KIF13A: variants seen among roughly 807,000 people sequenced by gnomAD.
KIF13A encodes kinesin-like protein KIF13A.
A neutral mutation model predicts 212.2 loss-of-function variants in KIF13A; 79 were observed. The observed-to-expected ratio is 0.37, with a 90% CI of 0.31 to 0.45. KIF13A has a LOEUF of 0.45. Among genes scored for constraint, KIF13A ranks in the 20% least tolerant of loss-of-function variants. The pLI is 1.00. For missense variants in KIF13A, 1,901 were observed against 2,209.0 expected, an observed-to-expected ratio of 0.86 and a Z score of 2.79; for synonymous variants, 789 against 808.6, an observed-to-expected ratio of 0.98 and a Z score of 0.41.
intron 17 of KIF13A, among the ~76,000 whole-genome samples, chr6:17,815,907 CTTTT>C (rs57780326): frequency 3.8e-5 from 5 of 130,538 alleles, no homozygotes; most frequent in Non-Finnish European, 4.8e-5. Flanking sequence ...TAGTCAGGTT[CTTTT>C]TTTTTTTTTT....
At chr6:17,975,572 A>AC (rs530802998) in intron 2 of KIF13A, among the ~76,000 whole-genome samples, 3 of 152,220 alleles carry the variant, frequency 2.0e-5, no homozygotes, top group Non-Finnish European at 2.9e-5. Context: ...AGTACAGAAC[A>AC]AAACGCGAAC....
chr6:17,904,635 G>T (rs928036650), intron 2 of KIF13A, among the ~76,000 whole-genome samples: 12 of 152,172 alleles, frequency 7.9e-5, no homozygotes, highest in Non-Finnish European at 1.2e-4. Flanking sequence ...TGCAACAACA[G>T]CAATAAAAAT....
At position 17,809,014 on chromosome 6, in the gene KIF13A, G is replaced by A. The variant is rs1763211061; in HGVS notation, c.2001-84C>T. ...TAAGTGAGCATCTTATTAGAAAATG[G>A]GAGAAAACTCCTCTCGGGCAGTATT... On this transcript the variant is annotated intron_variant, in intron 17 of 38. Transcript: ENST00000259711. The surrounding 1 kb of genome is among the most constrained non-coding windows in gnomAD (Gnocchi z 4.7). 8.0e-7 allele frequency: 1 copy of A among 1,247,820 alleles called. No individual in the cohort carries two copies. The highest frequency in any genetic ancestry group is 1.6e-5 in the South Asian group (1 of 62,624). The allele number at this position is 1,247,820 out of a possible 1,614,324, so 77.3% of individuals were successfully genotyped here.
Position 17,771,729 on chromosome 6 carries a change from AAAC to A in KIF13A, c.4476+176_4476+178del, listed in dbSNP as rs1332129659. On this transcript the variant is annotated intron_variant, in intron 37 of 38. Transcript: ENST00000259711. This position sits in a 1 kb window ranked among gnomAD's most constrained non-coding sequence, Gnocchi z 5.4. ...GAAATAAAACCACAGCAGCAACAAC[AAAC>A]AAGAGATTCTACCATGACTCTGCAT... 51 of 557,460 alleles carry A rather than the reference AAAC, an allele frequency of 9.1e-5. No homozygotes were observed. The highest frequency in any genetic ancestry group is 1.2e-4 in the Non-Finnish European group (38 of 312,778). The allele number at this position is 557,460 out of a possible 1,614,324, so 34.5% of individuals were successfully genotyped here.
At chr6:17,802,653 G>A (rs1762567833) in intron 20 of KIF13A, among the ~76,000 whole-genome samples, 1 of 151,804 alleles carries the variant, frequency 6.6e-6, no homozygotes. Flanking sequence ...AATTTCAGGG[G>A]GATTCATGGA....
rs1024666647 is a variant in KIF13A, at chr6:17,933,418, T to C, written c.147-35238A>G. On this transcript the variant is annotated intron_variant, in intron 2 of 38. Coordinates refer to ENST00000259711, the MANE Select transcript of KIF13A (RefSeq NM_022113.6). ...ACACCCAGCTCATTTTTTTTTTTTT[T>C]TTTTTTGTAGAGACAAGGTCTCACT... Among the ~76,000 whole-genome samples the C allele has an allele frequency of 5.4e-5, 8 of 149,046 alleles. 1 individual carries two copies. The East Asian group carries it at 1.6e-3, about 29-fold the overall frequency.
In KIF13A at chr6:17,826,416, A is replaced by G. The variant is rs1333556559; in HGVS notation, c.1533-292T>C. 6.6e-6 allele frequency among the ~76,000 whole-genome samples: 1 copy of G among 152,228 alleles called. No homozygotes were observed. The highest frequency in any genetic ancestry group is 1.5e-5 in the Non-Finnish European group (1 of 68,040). ...TCAAAATTTGAGCTGAACCTGATCAAGCTTCCACATTTAAATGCCAATTTA... is the reference window on the plus strand; with the variant it reads ...TCAAAATTTGAGCTGAACCTGATCAGGCTTCCACATTTAAATGCCAATTTA... On this transcript the variant is annotated intron_variant, in intron 14 of 38. Coordinates refer to ENST00000259711, the MANE Select transcript of KIF13A (RefSeq NM_022113.6). This position sits in a 1 kb window ranked among gnomAD's most constrained non-coding sequence, Gnocchi z 4.7.
At chr6:17,848,681 T>C (rs1302410902) in intron 9 of KIF13A, among the ~76,000 whole-genome samples, 1 of 150,582 alleles carries the variant, frequency 6.6e-6, no homozygotes, top group Non-Finnish European at 1.5e-5. Flanking sequence ...TTCTCACCCC[T>C]TGGCCTCCTG....
At chr6:17,780,089 T>C (rs1205448059) in intron 31 of KIF13A, among the ~76,000 whole-genome samples, 3 of 152,208 alleles carry the variant, frequency 2.0e-5, no homozygotes, top group Non-Finnish European at 4.4e-5. Flanking sequence ...TACAAGTTAC[T>C]ATGTTTTTGA....
At chr6:17,986,894 G>C (rs777438094) in intron 2 of KIF13A, among the ~76,000 whole-genome samples, 160 bp downstream of exon 2, 1 of 152,242 alleles carries the variant, frequency 6.6e-6, no homozygotes, top group Non-Finnish European at 1.5e-5. Flanking sequence ...GGCGAGGGAG[G>C]AGAGGAACTT....
At chr6:17,858,697 C>A (rs984771041) in intron 4 of KIF13A, among the ~76,000 whole-genome samples, 8 of 152,158 alleles carry the variant, frequency 5.3e-5, no homozygotes, top group African/African-American at 1.9e-4. Flanking sequence ...TCAGCCAGAC[C>A]TAAGTGCCAT....
chr6:17,818,712 A>C (rs985757634), intron 16 of KIF13A, among the ~76,000 whole-genome samples: 1 of 152,158 alleles, frequency 6.6e-6, no homozygotes, highest in African/African-American at 2.4e-5. Context: ...ACGGGGGCTC[A>C]AAAAGGCTAA....
At position 17,829,055 on chromosome 6, in the gene KIF13A, C is replaced by T. The variant is rs1363339839; in HGVS notation, c.1402-685G>A. Among the ~76,000 whole-genome samples, 1 of 151,746 alleles carries T rather than the reference C, an allele frequency of 6.6e-6. No homozygotes were observed. Among genetic ancestry groups the T allele is most frequent in the Non-Finnish European group, 1.5e-5 (1 of 68,018 alleles). ...CTCTGCCTCCTGGGTTCAAGCCATT[C>T]TCTTGCCTCAGCCTCCTGAGTAGTT... is the stretch of plus-strand genomic sequence containing the variant. On this transcript the variant is annotated intron_variant, in intron 13 of 38. Coordinates refer to ENST00000259711, the MANE Select transcript of KIF13A (RefSeq NM_022113.6). This position sits in a 1 kb window ranked among gnomAD's most constrained non-coding sequence, Gnocchi z 5.4.
chr6:17,794,854 A>AT lies in KIF13A; in HGVS notation c.2943-151_2943-150insA. On this transcript the variant is annotated intron_variant, in intron 23 of 38. Transcript: ENST00000259711. The surrounding 1 kb of genome is among the most constrained non-coding windows in gnomAD (Gnocchi z 4.1). ...GTTACTTCCTTATTTAACTCTCAAA[A>AT]CCAACCTGTCATATTGTTTCTTTTT... is the stretch of plus-strand genomic sequence containing the variant. 1.4e-6 allele frequency: 1 copy of AT among 704,678 alleles called. No individual in the cohort carries two copies. Among genetic ancestry groups the AT allele is most frequent in the Non-Finnish European group, 2.3e-6 (1 of 443,632 alleles). 43.7% of individuals were successfully genotyped at this position (704,678 alleles called of 1,614,324 possible). A position where few individuals can be genotyped will look rare whatever the true frequency, so the allele number is the denominator to read the frequency against.
At chr6:17,863,188 G>A (rs1768997492) in intron 4 of KIF13A, among the ~76,000 whole-genome samples, 1 of 152,016 alleles carries the variant, frequency 6.6e-6, no homozygotes, top group South Asian at 2.1e-4. Flanking sequence ...TCCCACAGAG[G>A]TCCCATTTAA....
In KIF13A at chr6:17,809,421, C is replaced by T. The variant is rs995503589; in HGVS notation, c.2001-491G>A. 6.6e-6 allele frequency among the ~76,000 whole-genome samples: 1 copy of T among 152,196 alleles called. No individual in the cohort carries two copies. Among genetic ancestry groups the T allele is most frequent in the Non-Finnish European group, 1.5e-5 (1 of 68,038 alleles). ...TTCTTCGTTTCAACTCTCTGTACAA[C>T]ATTACTTGCTGATAAAAAGCTTCTC... On this transcript the variant is annotated intron_variant, in intron 17 of 38. Coordinates refer to ENST00000259711, the MANE Select transcript of KIF13A (RefSeq NM_022113.6). This position sits in a 1 kb window ranked among gnomAD's most constrained non-coding sequence, Gnocchi z 4.7.
intron 6 of KIF13A, among the ~76,000 whole-genome samples, chr6:17,854,792 A>C (rs1418156702): frequency 6.6e-6 from 1 of 151,928 alleles, no homozygotes; most frequent in Admixed American, 6.6e-5. Context: ...ACCTCAGATG[A>C]TCTGCTCACC....
intron 38 of KIF13A, chr6:17,770,496 T>C (rs1759403571): frequency 6.6e-6 from 1 of 151,720 alleles, no homozygotes; most frequent in African/African-American, 2.4e-5. Flanking sequence ...GTTTTGTGGG[T>C]AGAGTTTCAG....
intron 33 of KIF13A, among the ~76,000 whole-genome samples, chr6:17,778,518 T>C (rs1256420412): frequency 1.3e-5 from 2 of 152,102 alleles, no homozygotes; most frequent in East Asian, 1.9e-4. Context: ...GTCTAAAAAT[T>C]AGGGAGATAG....
Sources: allele counts gnomAD v4.1 joint callset (sites outside exome capture counted in the v4.1 genomes callset), GRCh38; gene constraint gnomAD v4.1.1; non-coding constraint Gnocchi (gnomAD v3.1); transcripts MANE v1.5; gene names NCBI Gene and HGNC (gene_info 2026-07-23, HGNC 2026-07-21).